The following CTIF variants were observed in gnomAD, a reference collection of about 807,000 sequenced individuals.
CTIF encodes the protein CBP80/20-dependent translation initiation factor.
Under a neutral mutation model 66.0 loss-of-function variants are expected in CTIF, and 21 were observed. The ratio of observed to expected loss-of-function variants is 0.32; its 90% confidence interval spans 0.23 to 0.46. CTIF has a LOEUF of 0.46. CTIF is among the 20% of genes least tolerant of loss of function. The pLI is 1.00. For missense variants in CTIF, 739 were observed against 812.7 expected, an observed-to-expected ratio of 0.91 and a Z score of 1.10; for synonymous variants, 345 against 326.4, an observed-to-expected ratio of 1.06 and a Z score of -0.62.
chr18:48,595,693 C>T (rs560935744), intron 1 of CTIF, among the ~76,000 whole-genome samples: 9 of 152,328 alleles, frequency 5.9e-5, no homozygotes, highest in African/African-American at 1.7e-4. Flanking sequence ...TCCCAAAGTG[C>T]TGTGCCCAGC....
At chr18:48,731,921 G>A (rs1038677841) in intron 7 of CTIF, among the ~76,000 whole-genome samples, 2 of 152,208 alleles carry the variant, frequency 1.3e-5, no homozygotes, top group African/African-American at 2.4e-5. Flanking sequence ...TAGCACAGAA[G>A]CAGTTATAGA....
intron 3 of CTIF, among the ~76,000 whole-genome samples, chr18:48,650,870 G>A (rs938487369): frequency 1.3e-5 from 2 of 151,412 alleles, no homozygotes; most frequent in Non-Finnish European, 3.0e-5. Context: ...ATTTTCAACC[G>A]AGAATTTCAC....
chr18:48,743,294 C>T (rs981312525), intron 7 of CTIF, among the ~76,000 whole-genome samples: 2 of 152,214 alleles, frequency 1.3e-5, no homozygotes, highest in Admixed American at 6.5e-5. Flanking sequence ...TCCTCACTCA[C>T]GTCGTGCAAT....
At chr18:48,723,118 G>A (rs937135802) in intron 7 of CTIF, among the ~76,000 whole-genome samples, 1 of 152,184 alleles carries the variant, frequency 6.6e-6, no homozygotes. Flanking sequence ...CCAGGCGTGT[G>A]CTGCTAACAA....
At chr18:48,623,502 G>A (rs2090535318) in intron 2 of CTIF, among the ~76,000 whole-genome samples, 1 of 151,280 alleles carries the variant, frequency 6.6e-6, no homozygotes, top group Non-Finnish European at 1.5e-5. Context: ...TATTAACACA[G>A]CTTTATGGGA....
intron 1 of CTIF, among the ~76,000 whole-genome samples, chr18:48,582,686 A>C (rs190722201): frequency 1.3e-5 from 2 of 152,082 alleles, no homozygotes; most frequent in Admixed American, 1.3e-4. Context: ...TTGCGGTAGT[A>C]GTAGTGGTGG....
intron 3 of CTIF, among the ~76,000 whole-genome samples, chr18:48,643,258 A>G (rs2090966561): frequency 6.6e-6 from 1 of 152,234 alleles, no homozygotes; most frequent in Non-Finnish European, 1.5e-5. Flanking sequence ...CATTTATTTA[A>G]CATGTATACA....
intron 10 of CTIF, among the ~76,000 whole-genome samples, chr18:48,820,862 C>A (rs571095696): frequency 6.6e-6 from 1 of 152,250 alleles, no homozygotes; most frequent in Non-Finnish European, 1.5e-5. Context: ...TCCTCACCAT[C>A]CAGCCCGTCT....
At chr18:48,691,173 G>C (rs1328653747) in intron 6 of CTIF, among the ~76,000 whole-genome samples, 3 of 152,212 alleles carry the variant, frequency 2.0e-5, no homozygotes, top group African/African-American at 7.2e-5. Context: ...CACTCTGCCG[G>C]CATTGTTTCA....
intron 1 of CTIF, among the ~76,000 whole-genome samples, chr18:48,601,434 A>G (rs2090088617): frequency 6.6e-6 from 1 of 152,222 alleles, no homozygotes; most frequent in Non-Finnish European, 1.5e-5. Flanking sequence ...AGACTTTCTC[A>G]TAGGCGATCT....
chr18:48,547,202 A>T (rs1261027689), intron 1 of CTIF, among the ~76,000 whole-genome samples: 1 of 152,232 alleles, frequency 6.6e-6, no homozygotes, highest in Non-Finnish European at 1.5e-5. Flanking sequence ...GCAGGATGGC[A>T]GAGAAGGACA....
intron 3 of CTIF, among the ~76,000 whole-genome samples, chr18:48,656,538 C>T (rs2091249648): frequency 6.6e-6 from 1 of 152,136 alleles, no homozygotes; most frequent in African/African-American, 2.4e-5. Flanking sequence ...CTGGGGATGT[C>T]TCTGAGGCCT....
At chr18:48,683,447 C>T (rs187002686) in intron 6 of CTIF, among the ~76,000 whole-genome samples, 3 of 150,936 alleles carry the variant, frequency 2.0e-5, no homozygotes, top group East Asian at 4.1e-4. Context: ...TTCCTGCCCC[C>T]GAGCCTCACC....
At chr18:48,556,318 G>T (rs2089020522) in intron 1 of CTIF, among the ~76,000 whole-genome samples, 1 of 152,158 alleles carries the variant, frequency 6.6e-6, no homozygotes. Flanking sequence ...TTCCAGGCTT[G>T]GCTCTGCATA....
chr18:48,731,351 T>G (rs1414339706), intron 7 of CTIF, among the ~76,000 whole-genome samples: 2 of 152,136 alleles, frequency 1.3e-5, no homozygotes, highest in African/African-American at 4.8e-5. Context: ...GATGGTCAAT[T>G]CAGGACAAAT....
At position 48,767,985 on chromosome 18, in the gene CTIF, C is replaced by T. The variant is rs562023784; in HGVS notation, c.1371+6296C>T. Among the ~76,000 whole-genome samples, 5 of 152,290 alleles carry T rather than the reference C, an allele frequency of 3.3e-5. No individual in the cohort carries two copies. In the South Asian group the frequency reaches 6.2e-4, roughly 19 times the overall value. The stretch of plus-strand genomic sequence containing the variant: ...GAGACAAGCCTGAAGATGTATCTTA[C>T]CCATACCTCATCCTGGATGTGTGTG... On this transcript the variant is annotated intron_variant, in intron 9 of 11. Transcript: ENST00000256413.
chr18:48,542,938 CG>C (rs1259185776), intron 1 of CTIF, among the ~76,000 whole-genome samples: 1 of 152,216 alleles, frequency 6.6e-6, no homozygotes, highest in Admixed American at 6.5e-5. Context: ...AGATGTTCTC[CG>C]TGGTCCCGCC....
chr18:48,810,750 G>A (rs2068242625), intron 9 of CTIF, among the ~76,000 whole-genome samples: 1 of 148,140 alleles, frequency 6.8e-6, no homozygotes, highest in African/African-American at 2.5e-5. Flanking sequence ...ATAGCTTCAG[G>A]TATATTCAAA....
At chr18:48,779,924 C>T (rs1359715656) in intron 9 of CTIF, among the ~76,000 whole-genome samples, 1 of 152,126 alleles carries the variant, frequency 6.6e-6, no homozygotes, top group Non-Finnish European at 1.5e-5. Context: ...GAAGGTGGGC[C>T]CTGGTCTGTG....
Sources: allele counts gnomAD v4.1 joint callset (sites outside exome capture counted in the v4.1 genomes callset), GRCh38; gene constraint gnomAD v4.1.1; transcripts MANE v1.5; gene names NCBI Gene and HGNC (gene_info 2026-07-23, HGNC 2026-07-21).